EXOC4: variants seen among roughly 807,000 people sequenced by gnomAD.
EXOC4 encodes exocyst complex component 4, also known as SEC8-like 1.
In EXOC4, 71 loss-of-function variants were observed where a neutral mutation model predicts 107.2. That is an observed-to-expected ratio of 0.66 (90% CI 0.55 to 0.81). EXOC4 has a LOEUF of 0.81. Ranked by LOEUF, EXOC4 falls within the 30% of genes least tolerant of loss-of-function variation. The probability of loss-of-function intolerance (pLI) is 0.00; values close to 1 mark genes in which losing one functional copy is unlikely to be tolerated. For missense variants in EXOC4, 1,108 were observed against 1,189.6 expected, an observed-to-expected ratio of 0.93 and a Z score of 1.01; for synonymous variants, 456 against 441.2, an observed-to-expected ratio of 1.03 and a Z score of -0.42.
chr7:133,338,453 C>T (rs1466212846), intron 5 of EXOC4, among the ~76,000 whole-genome samples: 18 of 148,922 alleles, frequency 1.2e-4, no homozygotes, highest in South Asian at 4.3e-4. Flanking sequence ...ATTAGCCGGG[C>T]GCGGTGGCGG....
chr7:133,890,529 T>C (rs1258055001), intron 11 of EXOC4, among the ~76,000 whole-genome samples: 1 of 142,410 alleles, frequency 7.0e-6, no homozygotes, highest in Non-Finnish European at 1.5e-5. Flanking sequence ...AATTTCTAGG[T>C]TTTCTTCTAG....
chr7:133,982,566 A>ACAAAC (rs1794015602), intron 14 of EXOC4, among the ~76,000 whole-genome samples: 1 of 152,072 alleles, frequency 6.6e-6, no homozygotes, highest in Admixed American at 6.5e-5. Flanking sequence ...ACAAAACAAA[A>ACAAAC]CAAAAAAAGA....
chr7:133,871,674 G>C (rs915385834), intron 11 of EXOC4, among the ~76,000 whole-genome samples: 7 of 151,918 alleles, frequency 4.6e-5, no homozygotes, highest in Non-Finnish European at 8.8e-5. Flanking sequence ...CCTTCCTCCT[G>C]CTTCACATTC....
chr7:133,996,320 G>C (rs1482018034), intron 14 of EXOC4, among the ~76,000 whole-genome samples: 1 of 152,162 alleles, frequency 6.6e-6, no homozygotes, highest in East Asian at 1.9e-4. Context: ...TAAAGTAAAT[G>C]TTGGAGCCAG....
intron 3 of EXOC4, among the ~76,000 whole-genome samples, chr7:133,303,367 G>T (rs1225609579): frequency 6.6e-6 from 1 of 152,194 alleles, no homozygotes; most frequent in Non-Finnish European, 1.5e-5. Context: ...TTAGGAGGTG[G>T]AGGTTGCAGT....
At chr7:134,025,198 C>A (rs1222640151) in intron 17 of EXOC4, among the ~76,000 whole-genome samples, 1 of 152,116 alleles carries the variant, frequency 6.6e-6, no homozygotes, top group Non-Finnish European at 1.5e-5. Flanking sequence ...TTAATTCTGG[C>A]AGTCCACAGT....
At chr7:133,787,161 T>A (rs534393585) in intron 10 of EXOC4, among the ~76,000 whole-genome samples, 1 of 107,732 alleles carries the variant, frequency 9.3e-6, no homozygotes, top group Non-Finnish European at 1.7e-5. Flanking sequence ...TCTTTTCTTT[T>A]TTTTTTCTTT....
intron 10 of EXOC4, among the ~76,000 whole-genome samples, chr7:133,706,614 A>T (rs1794774291): frequency 6.6e-6 from 1 of 152,254 alleles, no homozygotes; most frequent in Non-Finnish European, 1.5e-5. Flanking sequence ...CATCCAAAAT[A>T]CTATCTCTTC....
At chr7:133,846,129 G>A (rs1798123230) in intron 11 of EXOC4, among the ~76,000 whole-genome samples, 1 of 152,008 alleles carries the variant, frequency 6.6e-6, no homozygotes, top group African/African-American at 2.4e-5. Context: ...AAAAATAAGG[G>A]ATAAAGTGAA....
chr7:133,917,878 C>A, intron 13 of EXOC4, 140 bp downstream of exon 13: 2 of 782,788 alleles, frequency 2.6e-6, no homozygotes, highest in African/African-American at 1.8e-5. Flanking sequence ...TGTTTTCCTC[C>A]TGTCTCACCT....
At chr7:134,000,838 G>GA (rs1311528127) in intron 15 of EXOC4, among the ~76,000 whole-genome samples, 14 of 152,098 alleles carry the variant, frequency 9.2e-5, no homozygotes, top group Admixed American at 9.2e-4. Flanking sequence ...ACAATTCATG[G>GA]AAAAAAGTAA....
intron 11 of EXOC4, among the ~76,000 whole-genome samples, chr7:133,824,371 C>G (rs1394158875): frequency 1.3e-5 from 2 of 152,038 alleles, no homozygotes; most frequent in African/African-American, 2.4e-5. Flanking sequence ...CTTCTCATCA[C>G]CAGCTTGCTG....
At chr7:134,090,839 C>T in the EXOC4 span, among the ~76,000 whole-genome samples, 1 of 152,102 alleles carries the variant, frequency 6.6e-6, no homozygotes, top group Non-Finnish European at 1.5e-5. Context: ...TAGCAGTTAG[C>T]ATCCCATAGT....
intron 12 of EXOC4, among the ~76,000 whole-genome samples, chr7:133,916,379 A>T (rs1799808310): frequency 6.6e-6 from 1 of 152,172 alleles, no homozygotes; most frequent in African/African-American, 2.4e-5. Context: ...GCCCTACAAC[A>T]TGAAACTATG....
intron 13 of EXOC4, among the ~76,000 whole-genome samples, chr7:133,921,001 A>ATAGAT (rs1224036926): frequency 6.6e-6 from 1 of 152,192 alleles, no homozygotes; most frequent in Non-Finnish European, 1.5e-5. Context: ...GGATAGACAG[A>ATAGAT]TAGATTAATT....
At chr7:133,622,801 A>G (rs1802365931) in intron 9 of EXOC4, among the ~76,000 whole-genome samples, 1 of 152,132 alleles carries the variant, frequency 6.6e-6, no homozygotes, top group Non-Finnish European at 1.5e-5. Flanking sequence ...CTTTTCCTGC[A>G]CTACTGTGAT....
At chr7:133,657,686 G>T (rs752550752) in intron 10 of EXOC4, among the ~76,000 whole-genome samples, 1 of 152,142 alleles carries the variant, frequency 6.6e-6, no homozygotes, top group African/African-American at 2.4e-5. Flanking sequence ...GGAGATACAG[G>T]TTCTCTGTGC....
chr7:133,853,162 A>G (rs1798270566), intron 11 of EXOC4, among the ~76,000 whole-genome samples: 2 of 152,086 alleles, frequency 1.3e-5, no homozygotes, highest in Admixed American at 6.6e-5. Context: ...CTTTGGAACA[A>G]TGCCATTCTT....
chr7:133,855,856 G>A (rs549709765), intron 11 of EXOC4, among the ~76,000 whole-genome samples: 4 of 152,126 alleles, frequency 2.6e-5, no homozygotes, highest in Non-Finnish European at 4.4e-5. Flanking sequence ...CAGAGAAGGC[G>A]CTGATTTTAA....
Sources: gnomAD v4.1 joint callset for allele counts (sites outside exome capture counted in the v4.1 genomes callset) on GRCh38, gnomAD v4.1.1 for gene constraint, MANE v1.5 for transcripts, NCBI Gene and HGNC (gene_info 2026-07-23, HGNC 2026-07-21) for gene names.